KPNA6: variants seen among roughly 807,000 people sequenced by gnomAD.
KPNA6 encodes the protein importin subunit alpha-7.
In KPNA6, 9 loss-of-function variants were observed where a neutral mutation model predicts 72.0. The observed-to-expected ratio is 0.13, with a 90% CI of 0.08 to 0.22. The LOEUF (loss-of-function observed/expected upper bound fraction) is 0.22, where lower values mean the gene tolerates loss of function less well. Among genes scored for constraint, KPNA6 ranks in the 10% least tolerant of loss-of-function variants. The probability of loss-of-function intolerance (pLI) is 1.00; values close to 1 mark genes in which losing one functional copy is unlikely to be tolerated. For missense variants in KPNA6, 374 were observed against 655.7 expected (o/e 0.57, Z 4.69); for synonymous variants, 219 against 242.1 (o/e 0.90, Z 0.89).
intron 1 of KPNA6, among the ~76,000 whole-genome samples, chr1:32,115,806 TG>T (rs1641319410): frequency 6.6e-6 from 1 of 151,990 alleles, no homozygotes; most frequent in African/African-American, 2.4e-5. Flanking sequence ...TGCAGTGCCA[TG>T]ATCTCAGCTC....
At chr1:32,163,347 G>C (rs747584381) in intron 10 of KPNA6, 34 bp downstream of exon 10, 1 of 1,504,428 alleles carries the variant, frequency 6.6e-7, no homozygotes, top group East Asian at 2.3e-5. Flanking sequence ...TCTTAGACCA[G>C]CTATGGAAGA....
At chr1:32,112,752 A>G (rs1641262870) in intron 1 of KPNA6, among the ~76,000 whole-genome samples, 1 of 152,130 alleles carries the variant, frequency 6.6e-6, no homozygotes, top group Admixed American at 6.6e-5. Context: ...CAGCCTCCCA[A>G]AGTGCTGGGA....
chr1:32,158,278 C>A lies in KPNA6; in HGVS notation c.343C>A (p.Pro115Thr). The A allele has an allele frequency of 6.2e-7, 1 of 1,611,184 alleles. No individual in the cohort carries two copies. Reference sequence around the variant, plus strand: ...TCTCCCTTATCCAGAGCCTAGTCCTCCAATAGATGAAGTTATCAACACTCC... The same window carrying A: ...TCTCCCTTATCCAGAGCCTAGTCCTACAATAGATGAAGTTATCAACACTCC... ...RKLLSKEPSP[P>T]IDEVINTPRV... is the part of the protein sequence containing the mutation. The change falls in exon 5 of 14, where the codon CCA becomes ACA. Residue 115 changes from proline to threonine, a missense_variant. Transcript: ENST00000373625.
chr1:32,163,620 TG>T (rs909287828), intron 10 of KPNA6, among the ~76,000 whole-genome samples: 8 of 152,204 alleles, frequency 5.3e-5, no homozygotes, highest in Non-Finnish European at 1.0e-4. Context: ...GTTTGAGTCA[TG>T]GTCCCTTTGA....
At chr1:32,142,944 C>T (rs1448211551) in intron 1 of KPNA6, 3 of 1,289,162 alleles carry the variant, frequency 2.3e-6, no homozygotes, top group African/African-American at 3.0e-5. Context: ...GCTCTCCTCC[C>T]AGCTTCACTG....
intron 1 of KPNA6, among the ~76,000 whole-genome samples, chr1:32,145,854 A>G (rs1237770497): frequency 6.6e-6 from 1 of 152,172 alleles, no homozygotes; most frequent in Non-Finnish European, 1.5e-5. Context: ...TGAAATCAGG[A>G]CATATGAGTC....
intron 1 of KPNA6, among the ~76,000 whole-genome samples, chr1:32,118,404 G>A (rs1020849612): frequency 3.3e-5 from 5 of 151,230 alleles, no homozygotes; most frequent in African/African-American, 9.7e-5. Context: ...AGTGGTGTGC[G>A]CTTTTCACAT....
At chr1:32,157,588 T>G in intron 4 of KPNA6, 143 bp downstream of exon 4, 1 of 611,248 alleles carries the variant, frequency 1.6e-6, no homozygotes, top group Non-Finnish European at 2.9e-6. Context: ...ATAGACACAT[T>G]GCTACCTTCA....
At chr1:32,132,863 A>G (rs1479774506) in intron 1 of KPNA6, among the ~76,000 whole-genome samples, 2 of 152,008 alleles carry the variant, frequency 1.3e-5, no homozygotes, top group Non-Finnish European at 2.9e-5. Flanking sequence ...AGATGGCGCC[A>G]CTGCACTCCA....
intron 1 of KPNA6, among the ~76,000 whole-genome samples, chr1:32,132,303 GT>G (rs1470227142): frequency 6.7e-6 from 1 of 150,366 alleles, no homozygotes; most frequent in Non-Finnish European, 1.5e-5. Context: ...AAAGTGTTTT[GT>G]TTTGTTTTGT....
intron 12 of KPNA6, among the ~76,000 whole-genome samples, chr1:32,168,237 A>G (rs1197677697): frequency 6.6e-6 from 1 of 152,184 alleles, no homozygotes; most frequent in Non-Finnish European, 1.5e-5. Context: ...ATAGAAAGCT[A>G]TTTTGTGTAT....
chr1:32,138,003 T>TG (rs1351554892), intron 1 of KPNA6, among the ~76,000 whole-genome samples: 1 of 150,708 alleles, frequency 6.6e-6, no homozygotes, highest in African/African-American at 2.4e-5. Context: ...GGCATGGTGG[T>TG]GGGCAACTGT....
intron 11 of KPNA6, among the ~76,000 whole-genome samples, 197 bp from the exon 12 acceptor site, chr1:32,166,970 AGT>A (rs1460435701): frequency 6.6e-6 from 1 of 152,096 alleles, no homozygotes; most frequent in Non-Finnish European, 1.5e-5. Context: ...AATTGGAGTC[AGT>A]GTGTACTATT....
chr1:32,134,148 T>G (rs1351708511), intron 1 of KPNA6, among the ~76,000 whole-genome samples: 1 of 150,654 alleles, frequency 6.6e-6, no homozygotes, highest in East Asian at 1.9e-4. Flanking sequence ...TCCCAGCTAC[T>G]GGGGAGGCCG....
chr1:32,167,518 C>T (rs964168717), intron 12 of KPNA6, among the ~76,000 whole-genome samples: 1 of 151,950 alleles, frequency 6.6e-6, no homozygotes, highest in African/African-American at 2.4e-5. Context: ...GACACTATAA[C>T]AGTTTACCAG....
rs546371079 is a variant in KPNA6, at chr1:32,174,215, G to C, written c.*3321G>C. ...TCAGTTTTCAGGGACCCTTGGTGTT[G>C]CTCCTTACCTAGAGCCCATTAATCT... On this transcript the variant is annotated 3_prime_UTR_variant, in exon 14 of 14. Coordinates refer to ENST00000373625, the MANE Select transcript of KPNA6 (RefSeq NM_012316.5). 5 of 152,406 alleles carry C rather than the reference G, an allele frequency of 3.3e-5. No individual in the cohort carries two copies. The highest frequency in any genetic ancestry group is 3.3e-4 in the Admixed American group (5 of 15,306). The allele number at this position is 152,406 out of a possible 1,614,324, so 9.4% of individuals were successfully genotyped here.
chr1:32,161,323 G>C (rs994412491), intron 7 of KPNA6, among the ~76,000 whole-genome samples: 6 of 152,160 alleles, frequency 3.9e-5, no homozygotes, highest in Non-Finnish European at 8.8e-5. Context: ...AAAATGCATT[G>C]ATTTGTTATG....
At chr1:32,114,664 T>C (rs1641298164) in intron 1 of KPNA6, among the ~76,000 whole-genome samples, 1 of 152,150 alleles carries the variant, frequency 6.6e-6, no homozygotes, top group Non-Finnish European at 1.5e-5. Context: ...CATTTGAAGC[T>C]TTGAAGCCAG....
intron 1 of KPNA6, among the ~76,000 whole-genome samples, chr1:32,148,859 C>T (rs1641978838): frequency 6.6e-6 from 1 of 151,370 alleles, no homozygotes; most frequent in Non-Finnish European, 1.5e-5. Flanking sequence ...GCCCGGCCCC[C>T]CTACTTTTTT....
Sources: allele counts gnomAD v4.1 joint callset (sites outside exome capture counted in the v4.1 genomes callset), GRCh38; gene constraint gnomAD v4.1.1; transcripts MANE v1.5; gene names NCBI Gene and HGNC (gene_info 2026-07-23, HGNC 2026-07-21).